ZNF514: variants seen among roughly 807,000 people sequenced by gnomAD.
ZNF514 encodes zinc finger protein 514.
In ZNF514, 12 loss-of-function variants were observed where a neutral mutation model predicts 9.7. The ratio of observed to expected loss-of-function variants is 1.24; its 90% CI spans 0.79 to 2.01. The LOEUF (loss-of-function observed/expected upper bound fraction) is 2.01, where lower values mean the gene tolerates loss of function less well. Ranked by LOEUF, ZNF514 falls within the 30% of genes most tolerant of loss-of-function variation. The pLI is 0.00. For synonymous variants in ZNF514, 158 were observed against 163.7 expected, an observed-to-expected ratio of 0.97 and a Z score of 0.27; for missense variants, 467 against 465.5, an observed-to-expected ratio of 1.00 and a Z score of -0.03.
At chr2:95,126,392 A>AAAAAAAAAGAAAG in the ZNF514 span, among the ~76,000 whole-genome samples, 2 of 84,450 alleles carry the variant, frequency 2.4e-5, no homozygotes, top group African/African-American at 5.6e-5. Context: ...AAAAAAAAAA[A>AAAAAAAAAGAAAG]AAAGAAAGAA....
the ZNF514 span, among the ~76,000 whole-genome samples, chr2:95,130,543 G>C: frequency 4.6e-5 from 7 of 152,166 alleles, no homozygotes; most frequent in Non-Finnish European, 1.0e-4. Context: ...CCCCGGGGGG[G>C]CCGGTTCAGA....
chr2:95,151,609 C>T (rs1171049205), intron 4 of ZNF514, among the ~76,000 whole-genome samples: 3 of 152,174 alleles, frequency 2.0e-5, no homozygotes. Context: ...GTTTCAGCCA[C>T]AGTGGAAAAT....
At chr2:95,152,906 A>G (rs1484241900) in intron 3 of ZNF514, 137 bp from the exon 4 acceptor site, 1 of 963,588 alleles carries the variant, frequency 1.0e-6, no homozygotes, top group Non-Finnish European at 1.6e-6. Flanking sequence ...TTAGGAACAC[A>G]GCCAGGTAAC....
intron 4 of ZNF514, 98 bp downstream of exon 4, chr2:95,152,576 T>G: frequency 1.1e-6 from 1 of 946,672 alleles, no homozygotes. Flanking sequence ...CCAAGTGATC[T>G]CATCTTCTGA....
chr2:95,124,950 C>T, the ZNF514 span, among the ~76,000 whole-genome samples: 2 of 152,010 alleles, frequency 1.3e-5, no homozygotes, highest in South Asian at 2.1e-4. Context: ...AGCGCGATCT[C>T]GGCTCACTGC....
intron 2 of ZNF514, 23 bp from the exon 3 acceptor site, chr2:95,153,282 G>A: frequency 1.9e-6 from 3 of 1,611,510 alleles, no homozygotes; most frequent in Non-Finnish European, 1.7e-6. Context: ...AGACACTCCA[G>A]TGTCCACTTA....
Position 95,159,791 on chromosome 2 carries a change from C to T in ZNF514, c.-647G>A, listed in dbSNP as rs1165723226. Among the ~76,000 whole-genome samples, 2 of 151,032 alleles carry T rather than the reference C, an allele frequency of 1.3e-5. No individual in the cohort carries two copies. The highest frequency in any genetic ancestry group is 3.0e-5 in the Non-Finnish European group (2 of 67,676). ...CCGTCCCGAGCTTGCGCAGACGCGG[C>T]CGCCGCCGGGGCCCTTCAGAGCCAG... On this transcript the variant is annotated 5_prime_UTR_variant, in exon 1 of 5. Coordinates refer to ENST00000295208, the MANE Select transcript of ZNF514 (RefSeq NM_032788.3).
rs762766840 is a variant in ZNF514, at chr2:95,150,284, A to C, written c.218-17T>G. ...TCTTCCAGTCTGTTAAAAAAAAAAA[A>C]AAAAAAAGAAGACATTCTAGTATGT... On this transcript the variant is annotated splice_polypyrimidine_tract_variant and intron_variant, in intron 4 of 4. Transcript: ENST00000295208. 6.5e-7 allele frequency: 1 copy of C among 1,529,396 alleles called. No homozygotes were observed. The highest frequency in any genetic ancestry group is 1.3e-5 in the South Asian group (1 of 77,764). 94.7% of individuals were successfully genotyped at this position (1,529,396 alleles called of 1,614,324 possible). A position where few individuals can be genotyped will look rare whatever the true frequency, so the allele number is the denominator to read the frequency against.
the ZNF514 span, among the ~76,000 whole-genome samples, chr2:95,123,716 T>C: frequency 6.6e-6 from 1 of 152,164 alleles, no homozygotes; most frequent in African/African-American, 2.4e-5. Flanking sequence ...GATGATGGAG[T>C]GTTGCTGTGC....
In ZNF514 at chr2:95,153,259, C is replaced by T. The variant is rs781102814; in HGVS notation, c.-6G>A. On this transcript the variant is annotated splice_region_variant and 5_prime_UTR_variant, in exon 3 of 5. Transcript: ENST00000295208. Reference sequence around the variant, plus strand: ...GCCACATCTTCAAATGTCATCAGGTCCTGAAACACAGAAGACACTCCAGTG... The same window carrying T: ...GCCACATCTTCAAATGTCATCAGGTTCTGAAACACAGAAGACACTCCAGTG... 3.7e-6 allele frequency: 6 copies of T among 1,613,452 alleles called. No individual in the cohort carries two copies. The highest frequency in any genetic ancestry group is 5.1e-6 in the Non-Finnish European group (6 of 1,179,600).
At chr2:95,158,533 G>A (rs1359084584) in intron 1 of ZNF514, among the ~76,000 whole-genome samples, 1 of 152,200 alleles carries the variant, frequency 6.6e-6, no homozygotes, top group East Asian at 1.9e-4. Flanking sequence ...CTTATACACC[G>A]CTGAGCTAGA....
Position 95,159,277 on chromosome 2 carries a change from C to CGGCGA in ZNF514, c.-134_-133insTCGCC. ...TCCTCCTCAGGACCAGGCTCTGGAACCCAGCTCCCACGTGGATCCACACGC... is the reference window on the plus strand; with the variant it reads ...TCCTCCTCAGGACCAGGCTCTGGAACGGCGACCAGCTCCCACGTGGATCCACACGC... On this transcript the variant is annotated 5_prime_UTR_variant, in exon 1 of 5. Coordinates refer to ENST00000295208, the MANE Select transcript of ZNF514 (RefSeq NM_032788.3). 1.2e-5 allele frequency: 2 copies of CGGCGA among 164,410 alleles called. No homozygotes were observed. The highest frequency in any genetic ancestry group is 1.4e-4 in the South Asian group (1 of 7,180). 10.2% of individuals were successfully genotyped at this position (164,410 alleles called of 1,614,324 possible).
downstream of ZNF514, among the ~76,000 whole-genome samples, chr2:95,144,104 G>GC (rs1239960004): frequency 1.3e-5 from 2 of 152,280 alleles, no homozygotes; most frequent in Non-Finnish European, 2.9e-5. Flanking sequence ...ACTGTTGATA[G>GC]CACTCTGCTT....
chr2:95,131,285 T>A, the ZNF514 span, among the ~76,000 whole-genome samples: 61 of 152,150 alleles, frequency 4.0e-4, no homozygotes, highest in Non-Finnish European at 7.2e-4. Flanking sequence ...AATCAAGCAA[T>A]GCTCTATATC....
At chr2:95,144,016 G>A (rs560172596), downstream of ZNF514, among the ~76,000 whole-genome samples, 9 of 152,288 alleles carry the variant, frequency 5.9e-5, no homozygotes, top group East Asian at 1.7e-3. Context: ...CCATCTAGTG[G>A]TGTTGACTCA....
At chr2:95,152,896 T>C in intron 3 of ZNF514, 127 bp from the exon 4 acceptor site, 1 of 1,001,674 alleles carries the variant, frequency 1.0e-6, no homozygotes, top group Non-Finnish European at 1.5e-6. Context: ...TTGTGAAAAG[T>C]TAGGAACACA....
chr2:95,133,930 G>T, the ZNF514 span, among the ~76,000 whole-genome samples: 1 of 152,114 alleles, frequency 6.6e-6, no homozygotes, highest in Non-Finnish European at 1.5e-5. Flanking sequence ...TTTGCAAAGT[G>T]TTACCATTAG....
the ZNF514 span, among the ~76,000 whole-genome samples, chr2:95,124,316 A>T: frequency 6.6e-6 from 1 of 152,142 alleles, no homozygotes. Context: ...ACATGATCTC[A>T]TGACTGGCTT....
the ZNF514 span, among the ~76,000 whole-genome samples, chr2:95,127,154 A>C: frequency 1.1e-3 from 161 of 152,344 alleles, no homozygotes; most frequent in Non-Finnish European, 1.6e-3. Flanking sequence ...GGAAGGCTGA[A>C]AGGAAGATTA....
Sources: allele counts gnomAD v4.1 joint callset (sites outside exome capture counted in the v4.1 genomes callset), GRCh38; gene constraint gnomAD v4.1.1; transcripts MANE v1.5; gene names NCBI Gene and HGNC (gene_info 2026-07-23, HGNC 2026-07-21).